The following ZNF423 variants were observed in gnomAD, a reference collection of about 807,000 sequenced individuals.
ZNF423 encodes the protein zinc finger protein 423.
ZNF423 carries 12 observed loss-of-function variants against 95.8 expected under a neutral mutation model. The observed-to-expected ratio is 0.13, with a 90% confidence interval of 0.08 to 0.20. The LOEUF is 0.20. Ranked by LOEUF, ZNF423 falls within the 10% of genes least tolerant of loss-of-function variation. The pLI is 1.00. For missense variants in ZNF423, 1,316 were observed against 1,737.1 expected, an observed-to-expected ratio of 0.76 and a Z score of 4.31; for synonymous variants, 749 against 711.9, an observed-to-expected ratio of 1.05 and a Z score of -0.83.
intron 2 of ZNF423, among the ~76,000 whole-genome samples, chr16:49,784,940 ACT>A (rs1012008384): frequency 1.1e-4 from 16 of 139,924 alleles, no homozygotes; most frequent in African/African-American, 4.4e-4. Context: ...ACAGAATGAG[ACT>A]CTGTCTCAAA....
chr16:49,579,996 C>T (rs894012489), intron 5 of ZNF423, among the ~76,000 whole-genome samples: 53 of 152,328 alleles, frequency 3.5e-4, no homozygotes, highest in African/African-American at 1.1e-3. Context: ...CCAGCCAGTA[C>T]AGCAGCAGCA....
intron 5 of ZNF423, among the ~76,000 whole-genome samples, chr16:49,594,946 C>G (rs1971135735): frequency 6.6e-6 from 1 of 152,214 alleles, no homozygotes; most frequent in East Asian, 1.9e-4. Flanking sequence ...GGACCTTGGT[C>G]AGTTGCTCCC....
chr16:49,748,292 T>C (rs1344650478), intron 2 of ZNF423, among the ~76,000 whole-genome samples: 1 of 152,260 alleles, frequency 6.6e-6, no homozygotes, highest in African/African-American at 2.4e-5. Flanking sequence ...GCCCCATTGC[T>C]GGACAACACC....
intron 7 of ZNF423, among the ~76,000 whole-genome samples, chr16:49,500,231 G>A (rs1967340085): frequency 6.6e-6 from 1 of 152,106 alleles, no homozygotes; most frequent in South Asian, 2.1e-4. Context: ...GAAGGTGGGG[G>A]TACCCTGTGG....
At chr16:49,547,707 G>A (rs1969490476) in intron 5 of ZNF423, among the ~76,000 whole-genome samples, 1 of 152,212 alleles carries the variant, frequency 6.6e-6, no homozygotes, top group Admixed American at 6.5e-5. Flanking sequence ...TCTCCAAAGA[G>A]CACAGCAGGT....
At chr16:49,497,349 G>A (rs567371444) in intron 7 of ZNF423, among the ~76,000 whole-genome samples, 30 of 152,332 alleles carry the variant, frequency 2.0e-4, no homozygotes, top group South Asian at 4.1e-4. Context: ...GCGCCCTCCC[G>A]TGAGGAGCTC....
At chr16:49,511,254 G>A (rs1045955266) in intron 7 of ZNF423, among the ~76,000 whole-genome samples, 6 of 152,290 alleles carry the variant, frequency 3.9e-5, no homozygotes, top group Middle Eastern at 3.4e-3. Flanking sequence ...TCATGCCCCG[G>A]GAGCTGCATG....
chr16:49,545,808 A>G (rs1002836288), intron 5 of ZNF423, among the ~76,000 whole-genome samples: 2 of 152,182 alleles, frequency 1.3e-5, no homozygotes. Context: ...GGAGGCATTC[A>G]AGTGCTAACT....
At chr16:49,730,023 A>G (rs1436085078) in intron 3 of ZNF423, among the ~76,000 whole-genome samples, 2 of 151,676 alleles carry the variant, frequency 1.3e-5, no homozygotes, top group Admixed American at 6.6e-5. Context: ...GGTCCTATGG[A>G]CTCCCTCTGC....
chr16:49,530,459 C>T (rs575970872), intron 5 of ZNF423, among the ~76,000 whole-genome samples: 2 of 152,284 alleles, frequency 1.3e-5, no homozygotes, highest in South Asian at 2.1e-4. Flanking sequence ...TCCCTCCCTC[C>T]GGCACACAGA....
intron 7 of ZNF423, among the ~76,000 whole-genome samples, chr16:49,494,073 T>A (rs1047497176): frequency 1.3e-5 from 2 of 152,146 alleles, no homozygotes; most frequent in African/African-American, 2.4e-5. Context: ...ACAGGCTCAG[T>A]GTGACACACA....
chr16:49,612,536 G>A (rs1971760925), intron 5 of ZNF423, among the ~76,000 whole-genome samples: 1 of 151,900 alleles, frequency 6.6e-6, no homozygotes, highest in Admixed American at 6.6e-5. Flanking sequence ...AACTTGATAA[G>A]GAGTATCTAC....
intron 3 of ZNF423, among the ~76,000 whole-genome samples, chr16:49,650,378 C>T (rs1470878291): frequency 6.6e-6 from 1 of 152,194 alleles, no homozygotes; most frequent in African/African-American, 2.4e-5. Context: ...AACTACCTTA[C>T]AAAGTGGTTA....
chr16:49,699,021 CA>C (rs1409502691), intron 3 of ZNF423, among the ~76,000 whole-genome samples: 1 of 152,172 alleles, frequency 6.6e-6, no homozygotes, highest in Non-Finnish European at 1.5e-5. Flanking sequence ...TGTGACTAAC[CA>C]AAATCAATGT....
intron 3 of ZNF423, among the ~76,000 whole-genome samples, chr16:49,652,256 G>A (rs1432566350): frequency 2.6e-5 from 4 of 151,850 alleles, no homozygotes; most frequent in African/African-American, 9.7e-5. Context: ...CAGCCTGCCA[G>A]GCAGCTCCAT....
At chr16:49,644,619 T>C (rs1329497625) in intron 3 of ZNF423, among the ~76,000 whole-genome samples, 2 of 121,204 alleles carry the variant, frequency 1.7e-5, no homozygotes, top group Non-Finnish European at 3.2e-5. Context: ...GCTATGATCA[T>C]GCCACTCTAG....
intron 2 of ZNF423, among the ~76,000 whole-genome samples, chr16:49,741,633 G>A (rs2033416565): frequency 6.6e-6 from 1 of 152,228 alleles, no homozygotes; most frequent in Non-Finnish European, 1.5e-5. Flanking sequence ...TTGGAGGGCT[G>A]GTCCAGCCTG....
intron 5 of ZNF423, among the ~76,000 whole-genome samples, chr16:49,615,046 A>C (rs924713686): frequency 1.3e-5 from 2 of 151,898 alleles, no homozygotes; most frequent in African/African-American, 4.8e-5. Context: ...CAGGAGAATC[A>C]CTTGAACCTG....
intron 5 of ZNF423, among the ~76,000 whole-genome samples, chr16:49,558,887 G>C (rs762228951): frequency 6.6e-6 from 1 of 152,206 alleles, no homozygotes; most frequent in Non-Finnish European, 1.5e-5. Context: ...GGAAGCGAGC[G>C]GGGTTTTGGG....
Sources: allele counts gnomAD v4.1 joint callset (sites outside exome capture counted in the v4.1 genomes callset), GRCh38; gene constraint gnomAD v4.1.1; transcripts MANE v1.5; gene names NCBI Gene and HGNC (gene_info 2026-07-23, HGNC 2026-07-21).